Variants in CELF5 observed in about 807,000 individuals in gnomAD.
The protein encoded by CELF5 is CUG-BP and ETR-3 like factor 5.
Under a neutral mutation model 54.9 loss-of-function variants are expected in CELF5, and 6 were observed. The ratio of observed to expected loss-of-function variants is 0.11; its 90% CI spans 0.06 to 0.22. The LOEUF is 0.22. Among genes scored for constraint, CELF5 ranks in the 10% least tolerant of loss-of-function variants. The probability of loss-of-function intolerance (pLI) is 1.00; values close to 1 mark genes in which losing one functional copy is unlikely to be tolerated. For missense variants in CELF5, 401 were observed against 678.6 expected, an observed-to-expected ratio of 0.59 and a Z score of 4.54; for synonymous variants, 271 against 290.9, an observed-to-expected ratio of 0.93 and a Z score of 0.70.
At chr19:3,263,422 A>C (rs2079833988) in intron 2 of CELF5, among the ~76,000 whole-genome samples, 1 of 151,472 alleles carries the variant, frequency 6.6e-6, no homozygotes, top group African/African-American at 2.4e-5. Flanking sequence ...TTAGCCAGGC[A>C]TGGTGTCGCG....
At chr19:3,246,515 G>C (rs2079569503) in intron 1 of CELF5, among the ~76,000 whole-genome samples, 1 of 152,018 alleles carries the variant, frequency 6.6e-6, no homozygotes. Flanking sequence ...ACCAGCCTGA[G>C]CAACATAGCA....
intron 4 of CELF5, 73 bp downstream of exon 4, chr19:3,276,057 G>A: frequency 1.0e-6 from 1 of 972,750 alleles, no homozygotes; most frequent in Non-Finnish European, 1.5e-6. Flanking sequence ...TGTGGGGAGG[G>A]TGGGGCCTGC....
intron 2 of CELF5, among the ~76,000 whole-genome samples, chr19:3,266,984 G>A (rs1311520706): frequency 3.3e-5 from 5 of 152,148 alleles, no homozygotes; most frequent in African/African-American, 9.7e-5. Context: ...CCTGGGAGTC[G>A]GGGAGGAGCT....
At chr19:3,250,683 G>GA (rs2145060552) in intron 1 of CELF5, among the ~76,000 whole-genome samples, 1 of 152,158 alleles carries the variant, frequency 6.6e-6, no homozygotes, top group East Asian at 1.9e-4. Context: ...CTGTCTGTGT[G>GA]AATCTGATGA....
chr19:3,285,910 C>A (rs1006279584), intron 9 of CELF5, 32 bp from the exon 10 acceptor site: 2 of 1,527,260 alleles, frequency 1.3e-6, no homozygotes, highest in African/African-American at 1.4e-5. Flanking sequence ...TCACGCCCCT[C>A]CTCGCCCTGT....
At chr19:3,289,681 CAAAAAAA>C (rs35144942) in intron 10 of CELF5, among the ~76,000 whole-genome samples, 20 of 47,126 alleles carry the variant, frequency 4.2e-4, no homozygotes, top group African/African-American at 1.1e-3. Flanking sequence ...GACTCCATCT[CAAAAAAA>C]AAAAAAAAAA....
intron 11 of CELF5, among the ~76,000 whole-genome samples, chr19:3,292,184 T>C (rs2080361592): frequency 6.6e-6 from 1 of 151,794 alleles, no homozygotes; most frequent in Admixed American, 6.6e-5. Flanking sequence ...CGACCTCAGG[T>C]GATCCACCCG....
At position 3,290,104 on chromosome 19, in the gene CELF5, G is replaced by T. The variant is rs1044005229; in HGVS notation, c.1187-127G>T. The T allele has an allele frequency of 1.9e-5, 13 of 672,186 alleles. 1 individual carries two copies. Among genetic ancestry groups the T allele is most frequent in the Admixed American group, 2.8e-5 (1 of 35,842 alleles). The allele number at this position is 672,186 out of a possible 1,614,324, so 41.6% of individuals were successfully genotyped here. A position where few individuals can be genotyped will look rare whatever the true frequency, so the allele number is the denominator to read the frequency against. ...CCGTGGCCAGGCCCCTTCTTTCTGG[G>T]TGTCTGAGGCACCCCTCTCCCGACA... On this transcript the variant is annotated intron_variant, in intron 10 of 12. Coordinates refer to ENST00000292672, the MANE Select transcript of CELF5 (RefSeq NM_021938.4).
At chr19:3,274,028 C>G in intron 3 of CELF5, 105 bp downstream of exon 3, 2 of 1,187,718 alleles carry the variant, frequency 1.7e-6, no homozygotes, top group South Asian at 1.3e-5. Context: ...GTGGCCGAGG[C>G]CTGTGGATCT....
intron 11 of CELF5, among the ~76,000 whole-genome samples, chr19:3,291,338 G>T (rs2080344138): frequency 6.6e-6 from 1 of 151,966 alleles, no homozygotes; most frequent in Non-Finnish European, 1.5e-5. Flanking sequence ...GGCTGAGGTG[G>T]GTGGTTCACG....
At chr19:3,259,919 A>G (rs1036083886) in intron 2 of CELF5, among the ~76,000 whole-genome samples, 2 of 152,184 alleles carry the variant, frequency 1.3e-5, no homozygotes, top group Non-Finnish European at 2.9e-5. Flanking sequence ...CTAGGAAGAT[A>G]AGGAGCAAGT....
chr19:3,254,830 TCATC>T (rs2079699343), intron 2 of CELF5, among the ~76,000 whole-genome samples: 1 of 151,034 alleles, frequency 6.6e-6, no homozygotes, highest in Admixed American at 6.6e-5. Flanking sequence ...ATCCATCCAT[TCATC>T]CATCCATCTA....
Position 3,275,733 on chromosome 19 carries a change from C to T in CELF5, c.395-123C>T. ...TCCCTCGCACGCGCAGAACCGGAGCCGGCAGGGCCCGGGCGCCGCGTCTTC... is the reference window on the plus strand; with the variant it reads ...TCCCTCGCACGCGCAGAACCGGAGCTGGCAGGGCCCGGGCGCCGCGTCTTC... On this transcript the variant is annotated intron_variant, in intron 3 of 12. Transcript: ENST00000292672. This position sits in a 1 kb window ranked among gnomAD's most constrained non-coding sequence, Gnocchi z 6.7. 1.9e-6 allele frequency: 2 copies of T among 1,071,556 alleles called. No homozygotes were observed. The highest frequency in any genetic ancestry group is 2.6e-6 in the Non-Finnish European group (2 of 771,002). The allele number at this position is 1,071,556 out of a possible 1,614,324, so 66.4% of individuals were successfully genotyped here.
chr19:3,268,000 T>C (rs1332569052), intron 2 of CELF5, among the ~76,000 whole-genome samples: 1 of 152,002 alleles, frequency 6.6e-6, no homozygotes, highest in African/African-American at 2.4e-5. Flanking sequence ...TTTTGTTTTG[T>C]TTTGTTTTGC....
intron 1 of CELF5, among the ~76,000 whole-genome samples, chr19:3,237,606 A>G (rs2079434433): frequency 6.6e-6 from 1 of 152,164 alleles, no homozygotes; most frequent in Non-Finnish European, 1.5e-5. Flanking sequence ...ATGAGCAGTG[A>G]GGATGACCAG....
intron 2 of CELF5, chr19:3,270,695 G>A (rs1382881547): frequency 6.6e-6 from 1 of 151,460 alleles, no homozygotes; most frequent in South Asian, 2.0e-4. Context: ...GGGCCGCGGG[G>A]TGGGGACGGC....
intron 12 of CELF5, chr19:3,295,466 G>A (rs1194093169): frequency 6.6e-6 from 1 of 152,232 alleles, no homozygotes; most frequent in African/African-American, 2.4e-5. Flanking sequence ...GTGACCCTGG[G>A]CCGGTCACTC....
intron 1 of CELF5, among the ~76,000 whole-genome samples, chr19:3,236,129 A>C (rs936791217): frequency 2.6e-5 from 4 of 152,200 alleles, no homozygotes; most frequent in African/African-American, 7.2e-5. Flanking sequence ...CATAGGGTCC[A>C]GGAGGAGGAC....
At position 3,281,240 on chromosome 19, in the gene CELF5, C is replaced by A; in HGVS notation, c.645C>A (p.Asp215Glu). Reference protein sequence around the residue: ...SSLVVKFADTDKERTLRRMQQ... With the variant: ...SSLVVKFADTEKERTLRRMQQ... The stretch of plus-strand genomic sequence containing the variant: ...TGGTGGTCAAGTTCGCCGACACGGA[C>A]AAGGAGCGGACGCTCCGGCGCATGC... Residue 215 changes from aspartate (D) to glutamate (E), a missense_variant, in exon 6 of 13, where the codon GAC (aspartate) becomes GAA (glutamate). This residue lies in a region of CELF5 where 87 missense variants were observed against 190.2 expected (regional missense o/e 0.46). Transcript: ENST00000292672. The surrounding 1 kb of genome is among the most constrained non-coding windows in gnomAD (Gnocchi z 6.5). 6.2e-7 allele frequency: 1 copy of A among 1,610,568 alleles called. No individual in the cohort carries two copies. Among genetic ancestry groups the A allele is most frequent in the South Asian group, 1.1e-5 (1 of 91,080 alleles).
Sources: gnomAD v4.1 joint callset for allele counts (sites outside exome capture counted in the v4.1 genomes callset) on GRCh38, gnomAD v4.1.1 for gene constraint, gnomAD v4.1.1 regional missense constraint, Gnocchi (gnomAD v3.1) non-coding constraint, MANE v1.5 for transcripts, NCBI Gene and HGNC (gene_info 2026-07-23, HGNC 2026-07-21) for gene names.